The following MPHOSPH6 variants were observed in gnomAD, a reference collection of about 807,000 sequenced individuals.
The protein encoded by MPHOSPH6 is M-phase phosphoprotein 6.
MPHOSPH6 carries 25 observed loss-of-function variants against 21.8 expected under a neutral mutation model. The observed-to-expected ratio is 1.15, with a 90% CI of 0.83 to 1.60. The LOEUF (loss-of-function observed/expected upper bound fraction) is 1.60. MPHOSPH6 is among the 40% of genes most tolerant of loss of function. The pLI, the probability that MPHOSPH6 is intolerant of heterozygous loss-of-function variation, is 0.00. For synonymous variants in MPHOSPH6, 84 were observed against 56.5 expected (o/e 1.49, Z -2.18); for missense variants, 269 against 181.8 (o/e 1.48, Z -2.76).
Position 82,148,418 on chromosome 16 carries a change from C to G in MPHOSPH6, c.*313G>C. ...AACATTGGCAGTAGTTTATGTAAGT[C>G]AATTCAAGGTCAGTGACTGGAGAAC... On this transcript the variant is annotated 3_prime_UTR_variant, in exon 5 of 5. Coordinates refer to ENST00000258169, the MANE Select transcript of MPHOSPH6 (RefSeq NM_005792.2). 1 of 215,452 alleles carries G rather than the reference C, an allele frequency of 4.6e-6. No individual in the cohort carries two copies. The highest frequency in any genetic ancestry group is 9.0e-6 in the Non-Finnish European group (1 of 110,850). 13.3% of individuals were successfully genotyped at this position (215,452 alleles called of 1,614,324 possible).
In MPHOSPH6 at chr16:82,148,765, T is replaced by G; in HGVS notation, c.449A>C (p.Lys150Thr). The G allele has an allele frequency of 6.2e-7, 1 of 1,614,158 alleles. No individual in the cohort carries two copies. The highest frequency in any genetic ancestry group is 8.5e-7 in the Non-Finnish European group (1 of 1,180,022). ...EDENGDITPIKAKKMFLKPQD is the reference protein window; with the variant it reads ...EDENGDITPITAKKMFLKPQD The stretch of plus-strand genomic sequence containing the variant: ...GGGCTTTAAGAACATCTTCTTTGCT[T>G]TAATTGGTGTTATGTCTCCATTTTC... Residue 150 changes from lysine (K) to threonine (T), a missense_variant, in exon 5 of 5, where the codon AAA (lysine) becomes ACA (threonine). Transcript: ENST00000258169.
chr16:82,168,998 G>C (rs1906882273), intron 1 of MPHOSPH6, among the ~76,000 whole-genome samples: 1 of 152,142 alleles, frequency 6.6e-6, no homozygotes, highest in South Asian at 2.1e-4. Flanking sequence ...ACTTATTTCT[G>C]TTTCAGTTGC....
intron 2 of MPHOSPH6, among the ~76,000 whole-genome samples, chr16:82,161,559 C>G (rs1315478711): frequency 1.3e-5 from 2 of 152,178 alleles, no homozygotes; most frequent in Non-Finnish European, 2.9e-5. Context: ...AATTTCACTC[C>G]TAGGAATTCA....
rs575493720 is a variant in MPHOSPH6, at chr16:82,154,048, T to G, written c.165-2534A>C. Among the ~76,000 whole-genome samples the G allele has an allele frequency of 7.2e-5, 11 of 152,262 alleles. No individual in the cohort carries two copies. The East Asian group carries it at 1.9e-3, about 27-fold the overall frequency. ...TACCAGCAAGGTAAATTTTGCCACA[T>G]AAGGTAACACTCACAGGTTTCAGAG... On this transcript the variant is annotated intron_variant, in intron 2 of 4. Coordinates refer to ENST00000258169, the MANE Select transcript of MPHOSPH6 (RefSeq NM_005792.2).
rs1306882494 is a variant in MPHOSPH6 at position 82,164,140 on chromosome 16, T to C, written c.106A>G (p.Lys36Glu). 6.2e-7 allele frequency: 1 copy of C among 1,612,548 alleles called. No individual in the cohort carries two copies. Among genetic ancestry groups the C allele is most frequent in the East Asian group, 2.2e-5 (1 of 44,884 alleles). ...CAGTGCTCTTCACTAATGATTTTCT[T>C]TTCTTCTTCTTCTAGTTGTTTCTTG... ...ETKKQLEEEE[K>E]KIISEEHWYL... The change falls in exon 2 of 5, where the codon AAG (lysine) becomes GAG (glutamate). Residue 36 changes from lysine (K) to glutamate (E), a missense_variant. Transcript: ENST00000258169.
chr16:82,149,868 C>T (rs1199200073), intron 3 of MPHOSPH6, among the ~76,000 whole-genome samples: 1 of 150,838 alleles, frequency 6.6e-6, no homozygotes, highest in Non-Finnish European at 1.5e-5. Context: ...GGAAGGCTGG[C>T]CCTGTTTAAT....
At chr16:82,153,092 A>T (rs957640635) in intron 2 of MPHOSPH6, among the ~76,000 whole-genome samples, 7 of 151,690 alleles carry the variant, frequency 4.6e-5, no homozygotes, top group Admixed American at 3.9e-4. Context: ...GTGCCACTGC[A>T]CTCCAGCCTG....
intron 3 of MPHOSPH6, among the ~76,000 whole-genome samples, chr16:82,150,497 G>T (rs568065546): frequency 6.6e-6 from 1 of 152,272 alleles, no homozygotes; most frequent in East Asian, 1.9e-4. Context: ...AACTAACCTA[G>T]AATCTTTCAA....
At chr16:82,160,126 T>G (rs889390311) in intron 2 of MPHOSPH6, among the ~76,000 whole-genome samples, 2 of 118,110 alleles carry the variant, frequency 1.7e-5, no homozygotes, top group Non-Finnish European at 3.8e-5. Context: ...ATTGACACCG[T>G]ATCTTTAATA....
chr16:82,149,211 C>T, intron 4 of MPHOSPH6, 98 bp downstream of exon 4: 10 of 1,291,356 alleles, frequency 7.7e-6, no homozygotes, highest in Non-Finnish European at 1.1e-5. Context: ...GGGGGACTCC[C>T]TTGAAAGCTG....
In MPHOSPH6 at chr16:82,148,946, T is replaced by C. The variant is rs1051579463; in HGVS notation, c.351-83A>G. The C allele has an allele frequency of 6.0e-6, 9 of 1,493,918 alleles. No individual in the cohort carries two copies. In the African/African-American group the frequency reaches 8.5e-5, roughly 14 times the overall value. The allele number at this position is 1,493,918 out of a possible 1,614,324, so 92.5% of individuals were successfully genotyped here. A position where few individuals can be genotyped will look rare whatever the true frequency, so the allele number is the denominator to read the frequency against. ...CTTGTCAAGAATATCAGACCAAATATGCAATAAAAAAGATTACGAAAAAGA... is the reference window on the plus strand; with the variant it reads ...CTTGTCAAGAATATCAGACCAAATACGCAATAAAAAAGATTACGAAAAAGA... On this transcript the variant is annotated intron_variant, in intron 4 of 4. Coordinates refer to ENST00000258169, the MANE Select transcript of MPHOSPH6 (RefSeq NM_005792.2).
intron 3 of MPHOSPH6, among the ~76,000 whole-genome samples, chr16:82,150,062 A>T (rs1906215492): frequency 6.7e-6 from 1 of 148,772 alleles, no homozygotes; most frequent in South Asian, 2.2e-4. Flanking sequence ...GAGGAGAAGG[A>T]ATAAAAGATG....
intron 3 of MPHOSPH6, 121 bp from the exon 4 acceptor site, chr16:82,149,524 A>C: frequency 1.2e-6 from 1 of 801,480 alleles, no homozygotes; most frequent in Non-Finnish European, 2.1e-6. Flanking sequence ...GTCAAAATTG[A>C]TAAGGGACTC....
At position 82,154,841 on chromosome 16, in the gene MPHOSPH6, C is replaced by T. The variant is rs1906378826; in HGVS notation, c.165-3327G>A. 4.6e-5 allele frequency among the ~76,000 whole-genome samples: 7 copies of T among 152,246 alleles called. No homozygotes were observed. In the South Asian group the frequency reaches 1.5e-3, roughly 32 times the overall value. On this transcript the variant is annotated intron_variant, in intron 2 of 4. Transcript: ENST00000258169. ...TAAGGAAGAAATAATTTCAATTTTA[C>T]ACAAACCAAGAACTAAGAAGAGGAG...
chr16:82,158,522 A>C (rs1233664100), intron 2 of MPHOSPH6, among the ~76,000 whole-genome samples: 12 of 142,664 alleles, frequency 8.4e-5, no homozygotes, highest in African/African-American at 3.0e-4. Context: ...AAAAAAAAAA[A>C]AGATACTTCA....
rs1021251309 is a variant in MPHOSPH6, at chr16:82,170,070, T to C, written c.51+55A>G. ...GCCCGCCGCCTCGGCCCCGGCCAGG[T>C]TGGAAGGACCGGGTGCCCCTACCGC... On this transcript the variant is annotated intron_variant, in intron 1 of 4. Coordinates refer to ENST00000258169, the MANE Select transcript of MPHOSPH6 (RefSeq NM_005792.2). 34 of 1,548,778 alleles carry C rather than the reference T, an allele frequency of 2.2e-5. No homozygotes were observed. In the East Asian group the frequency reaches 7.5e-4, roughly 34 times the overall value.
intron 1 of MPHOSPH6, among the ~76,000 whole-genome samples, chr16:82,168,597 A>C (rs1256744832): frequency 2.0e-5 from 3 of 151,806 alleles, no homozygotes; most frequent in African/African-American, 7.3e-5. Flanking sequence ...CAGCCTCCCA[A>C]GTAGCTGGGA....
chr16:82,162,773 G>T (rs1043495068), intron 2 of MPHOSPH6, among the ~76,000 whole-genome samples: 4 of 152,122 alleles, frequency 2.6e-5, no homozygotes, highest in African/African-American at 9.7e-5. Context: ...TACATAAACA[G>T]GATGCTGAGT....
intron 3 of MPHOSPH6, among the ~76,000 whole-genome samples, chr16:82,150,278 C>G (rs1567611201): frequency 6.6e-6 from 1 of 152,080 alleles, no homozygotes; most frequent in Non-Finnish European, 1.5e-5. Context: ...GCTCGCCTAT[C>G]CAAACCCTAC....
Sources: gnomAD v4.1 joint callset for allele counts (sites outside exome capture counted in the v4.1 genomes callset) on GRCh38, gnomAD v4.1.1 for gene constraint, MANE v1.5 for transcripts, NCBI Gene and HGNC (gene_info 2026-07-23, HGNC 2026-07-21) for gene names.